Variants in KLHL15 observed in about 807,000 individuals in gnomAD.
KLHL15 encodes the protein kelch like family member 15.
KLHL15 carries 1 observed loss-of-function variant against 29.3 expected under a neutral mutation model. The ratio of observed to expected loss-of-function variants is 0.03; its 90% CI spans 0.01 to 0.16. The LOEUF (loss-of-function observed/expected upper bound fraction) is 0.16. KLHL15 is among the 10% of genes least tolerant of loss of function. KLHL15 has a pLI of 1.00. For missense variants in KLHL15, 215 were observed against 478.5 expected (o/e 0.45, Z 5.14); for synonymous variants, 212 against 184.5 (o/e 1.15, Z -1.21).
intron 2 of KLHL15, among the ~76,000 whole-genome samples, chrX:24,014,826 T>G (rs886394205): frequency 8.9e-6 from 1 of 111,809 alleles, no homozygotes; most frequent in Non-Finnish European, 1.9e-5. Flanking sequence ...AACAGAAACT[T>G]AGCAAAGGCG....
chrX:24,016,339 C>CAAAAA lies in KLHL15; in HGVS notation c.-8+8513_-8+8517dup, dbSNP rs755683770. ...TGGGCGACAGAGCAAGACTCTGTCTCAAAAAAAAAAAAAAAAAAAAAAAAA... is the reference window on the plus strand; with the variant it reads ...TGGGCGACAGAGCAAGACTCTGTCTCAAAAAAAAAAAAAAAAAAAAAAAAAAAAAA... On this transcript the variant is annotated intron_variant, in intron 2 of 3. Transcript: ENST00000328046. Among the ~76,000 whole-genome samples, 95 of 21,670 alleles carry CAAAAA rather than the reference C, an allele frequency of 4.4e-3. 3 individuals carry two copies. The highest frequency in any genetic ancestry group is 0.011 in the African/African-American group (74 of 6,911). The allele number at this position is 21,670 out of a possible 115,157, so 18.8% of individuals were successfully genotyped here.
At chrX:23,990,786 C>T (rs1929066928) in intron 3 of KLHL15, among the ~76,000 whole-genome samples, 1 of 110,639 alleles carries the variant, frequency 9.0e-6, no homozygotes, top group Non-Finnish European at 1.9e-5. Flanking sequence ...CTTCCTTCTC[C>T]TCTCTTTCCT....
At chrX:23,998,085 C>T in intron 3 of KLHL15, among the ~76,000 whole-genome samples, 1 of 111,082 alleles carries the variant, frequency 9.0e-6, no homozygotes, top group Non-Finnish European at 1.9e-5. Context: ...CCTCAGCCTC[C>T]TCAGTAGCTG....
intron 3 of KLHL15, among the ~76,000 whole-genome samples, chrX:23,999,594 CAAAAAAAAA>C (rs57473929): frequency 1.8e-5 from 1 of 55,446 alleles, no homozygotes; most frequent in Admixed American, 2.2e-4. Flanking sequence ...GACTCCGTCT[CAAAAAAAAA>C]AAAAAAAAGA....
At position 23,983,861 on chromosome X, in the gene KLHL15, T is replaced by C. The variant is rs1484314674; in HGVS notation, c.*4060A>G. The C allele has an allele frequency of 2.7e-5, 3 of 111,683 alleles. No individual in the cohort carries two copies. Among genetic ancestry groups the C allele is most frequent in the Non-Finnish European group, 5.6e-5 (3 of 53,105 alleles). 9.2% of individuals were successfully genotyped at this position (111,683 alleles called of 1,213,427 possible). A position where few individuals can be genotyped will look rare whatever the true frequency, so the allele number is the denominator to read the frequency against. The stretch of plus-strand genomic sequence containing the variant: ...CTTGGGAAAAATTACCTGACAAAAA[T>C]GTAAAGGCTTTCAAAACAGGTATAA... On this transcript the variant is annotated 3_prime_UTR_variant, in exon 4 of 4. Coordinates refer to ENST00000328046, the MANE Select transcript of KLHL15 (RefSeq NM_030624.3).
chrX:24,014,093 A>AT (rs200690416), intron 2 of KLHL15, among the ~76,000 whole-genome samples: 2,022 of 101,881 alleles, frequency 0.02, 46 homozygotes, highest in African/African-American at 0.067. Flanking sequence ...CTCTAACAAA[A>AT]TTAAAAAAAA....
At chrX:24,021,286 C>T (rs1929798608) in intron 2 of KLHL15, among the ~76,000 whole-genome samples, 1 of 110,923 alleles carries the variant, frequency 9.0e-6, no homozygotes, top group Non-Finnish European at 1.9e-5. Context: ...CTTAAGGCCT[C>T]TCTACACCCT....
At chrX:24,005,335 C>A (rs187139800) in intron 3 of KLHL15, among the ~76,000 whole-genome samples, 1 of 112,076 alleles carries the variant, frequency 8.9e-6, no homozygotes, top group East Asian at 2.8e-4. Flanking sequence ...GATGGTTGAT[C>A]AATGTAGATA....
intron 3 of KLHL15, among the ~76,000 whole-genome samples, chrX:23,991,242 A>G (rs1468182089): frequency 1.8e-5 from 2 of 108,163 alleles, no homozygotes; most frequent in African/African-American, 6.8e-5. Flanking sequence ...AACTCCAGCT[A>G]CTCAAGAGGC....
intron 3 of KLHL15, among the ~76,000 whole-genome samples, chrX:24,004,983 G>A (rs1347581524): frequency 2.7e-5 from 3 of 110,977 alleles, no homozygotes; most frequent in Non-Finnish European, 3.8e-5. Context: ...TTCAAATGGC[G>A]TAGACAACCC....
At chrX:23,997,930 A>G (rs72620467) in intron 3 of KLHL15, among the ~76,000 whole-genome samples, 11,260 of 107,713 alleles carry the variant, frequency 0.1, 661 homozygotes, top group African/African-American at 0.22. Context: ...TCCCTACCAA[A>G]AAAACAAACA....
chrX:24,010,640 A>G (rs772416557), intron 2 of KLHL15, among the ~76,000 whole-genome samples: 21 of 111,992 alleles, frequency 1.9e-4, no homozygotes, highest in African/African-American at 6.1e-4. Context: ...CACTAGCCTA[A>G]AAGAGCACTA....
At chrX:23,990,295 G>C (rs762707526) in intron 3 of KLHL15, among the ~76,000 whole-genome samples, 9 of 111,588 alleles carry the variant, frequency 8.1e-5, no homozygotes, top group Non-Finnish European at 1.5e-4. Context: ...ATAGGTAAAT[G>C]AGTCAGGTGA....
In KLHL15 at chrX:24,027,121, A is replaced by G. The variant is rs1404391649; in HGVS notation, c.-210+19T>C. ...CATTAACTAACATTTTAAGCTATAC[A>G]TTACTATGTGGCACTGACCTGTCTA... On this transcript the variant is annotated intron_variant, in intron 1 of 3. Coordinates refer to ENST00000328046, the MANE Select transcript of KLHL15 (RefSeq NM_030624.3). The G allele has an allele frequency of 2.7e-5, 3 of 112,273 alleles. No individual in the cohort carries two copies. Among genetic ancestry groups the G allele is most frequent in the East Asian group, 2.8e-4 (1 of 3,618 alleles). The allele number at this position is 112,273 out of a possible 1,213,427, so 9.3% of individuals were successfully genotyped here.
intron 3 of KLHL15, among the ~76,000 whole-genome samples, chrX:23,999,536 A>G (rs370011996): frequency 1.9e-5 from 2 of 103,115 alleles, no homozygotes; most frequent in African/African-American, 7.5e-5. Flanking sequence ...CGGAGCTTGC[A>G]GTGAGCCGAG....
intron 2 of KLHL15, among the ~76,000 whole-genome samples, chrX:24,016,401 A>T: frequency 9.7e-6 from 1 of 102,882 alleles, no homozygotes; most frequent in Admixed American, 1.1e-4. Flanking sequence ...GCAGTGGCTC[A>T]TGCCTGTAAT....
intron 2 of KLHL15, among the ~76,000 whole-genome samples, chrX:24,007,330 T>C (rs1929465908): frequency 9.4e-6 from 1 of 106,795 alleles, no homozygotes; most frequent in Non-Finnish European, 1.9e-5. Context: ...CCAACTCTAC[T>C]AAAAATACAA....
chrX:23,999,032 G>A (rs1398018978), intron 3 of KLHL15, among the ~76,000 whole-genome samples: 8 of 110,531 alleles, frequency 7.2e-5, no homozygotes, highest in Admixed American at 1.9e-4. Flanking sequence ...TCAGCCTCCC[G>A]TGTAGCTGGG....
At chrX:24,017,946 A>T (rs1929724309) in intron 2 of KLHL15, among the ~76,000 whole-genome samples, 1 of 110,452 alleles carries the variant, frequency 9.1e-6, no homozygotes, top group South Asian at 3.9e-4. Flanking sequence ...CTACAAAAAA[A>T]TTTTTTTAAA....
Sources: gnomAD v4.1 joint callset for allele counts (sites outside exome capture counted in the v4.1 genomes callset) on GRCh38, gnomAD v4.1.1 for gene constraint, MANE v1.5 for transcripts, NCBI Gene and HGNC (gene_info 2026-07-23, HGNC 2026-07-21) for gene names.